SAMD12: variants seen among roughly 807,000 people sequenced by gnomAD.
SAMD12 encodes sterile alpha motif domain-containing protein 12.
A neutral mutation model predicts 15.0 loss-of-function variants in SAMD12; 9 were observed. That is an observed-to-expected ratio of 0.60 (90% CI 0.36 to 1.05). SAMD12 has a LOEUF of 1.05. SAMD12 is among the 50% of genes least tolerant of loss of function. SAMD12 has a pLI of 0.01. For missense variants in SAMD12, 230 were observed against 234.2 expected, an observed-to-expected ratio of 0.98 and a Z score of 0.12; for synonymous variants, 86 against 90.1, an observed-to-expected ratio of 0.96 and a Z score of 0.25.
chr8:118,466,929 T>A (rs1823612156), intron 2 of SAMD12, among the ~76,000 whole-genome samples: 1 of 152,222 alleles, frequency 6.6e-6, no homozygotes, highest in African/African-American at 2.4e-5. Context: ...ACAGAAAGCC[T>A]CTGACTCCAC....
At chr8:118,457,222 CTTTT>C (rs796704911) in intron 2 of SAMD12, among the ~76,000 whole-genome samples, 1 of 140,746 alleles carries the variant, frequency 7.1e-6, no homozygotes, top group South Asian at 2.2e-4. Flanking sequence ...CTCTCTCTCT[CTTTT>C]TTTTTTTTTT....
intron 2 of SAMD12, among the ~76,000 whole-genome samples, chr8:118,474,386 A>AT (rs543422846): frequency 2.6e-4 from 39 of 151,176 alleles, no homozygotes; most frequent in East Asian, 9.7e-4. Flanking sequence ...CAATAAAACA[A>AT]TTTTTTTTGT....
intron 4 of SAMD12, among the ~76,000 whole-genome samples, chr8:118,250,605 C>T (rs114151380): frequency 0.017 from 2,652 of 151,622 alleles, 94 homozygotes; most frequent in African/African-American, 0.06. Context: ...TAGGTTTAAG[C>T]GATTTGGCTT....
chr8:118,568,120 G>C (rs955648414), intron 2 of SAMD12, among the ~76,000 whole-genome samples: 5 of 152,172 alleles, frequency 3.3e-5, no homozygotes, highest in Middle Eastern at 3.2e-3. Flanking sequence ...TTACAAGACA[G>C]AATCAGGGAT....
At chr8:118,496,524 A>C (rs1824615986) in intron 2 of SAMD12, among the ~76,000 whole-genome samples, 3 of 152,246 alleles carry the variant, frequency 2.0e-5, no homozygotes, top group Non-Finnish European at 4.4e-5. Context: ...CCATATACCA[A>C]AGATTGAAAC....
chr8:118,159,990 G>A, the SAMD12 span, among the ~76,000 whole-genome samples: 3 of 152,122 alleles, frequency 2.0e-5, no homozygotes, highest in African/African-American at 7.2e-5. Context: ...AAAGTGCTGG[G>A]ATTACAGGCG....
chr8:118,486,498 G>A (rs1824290675), intron 2 of SAMD12, among the ~76,000 whole-genome samples: 1 of 151,886 alleles, frequency 6.6e-6, no homozygotes, highest in African/African-American at 2.4e-5. Context: ...TGCTGGCTTT[G>A]AAGATAGAAG....
chr8:118,414,395 T>TTA (rs397748284), intron 3 of SAMD12, among the ~76,000 whole-genome samples: 1 of 151,780 alleles, frequency 6.6e-6, no homozygotes. Flanking sequence ...AATTTTTTTT[T>TTA]AAAAAAGGAG....
intron 4 of SAMD12, among the ~76,000 whole-genome samples, chr8:118,302,147 T>A (rs1297336880): frequency 8.0e-5 from 11 of 137,348 alleles, no homozygotes; most frequent in African/African-American, 3.2e-4. Context: ...AGAGAAAAAT[T>A]AAACCTCCAT....
the SAMD12 span, among the ~76,000 whole-genome samples, chr8:118,157,856 C>G: frequency 6.6e-6 from 1 of 152,170 alleles, no homozygotes; most frequent in Non-Finnish European, 1.5e-5. Context: ...GTATATGAAA[C>G]AAAGTTTTTC....
chr8:118,317,467 G>C (rs1815980327), intron 4 of SAMD12, among the ~76,000 whole-genome samples: 2 of 152,180 alleles, frequency 1.3e-5, no homozygotes, highest in African/African-American at 2.4e-5. Context: ...AAATGATCGA[G>C]AACTGCAGAC....
chr8:118,497,914 AGAG>A (rs1824673160), intron 2 of SAMD12, among the ~76,000 whole-genome samples: 1 of 152,190 alleles, frequency 6.6e-6, no homozygotes, highest in South Asian at 2.1e-4. Flanking sequence ...CTGAGATGTC[AGAG>A]GAGACATCAA....
intron 4 of SAMD12, among the ~76,000 whole-genome samples, chr8:118,234,859 T>C (rs1465867964): frequency 6.6e-6 from 1 of 152,076 alleles, no homozygotes; most frequent in African/African-American, 2.4e-5. Context: ...TAAAAATGAA[T>C]AATTTCTTAG....
At chr8:118,421,240 T>C (rs2514994) in intron 3 of SAMD12, among the ~76,000 whole-genome samples, 29,770 of 152,216 alleles carry the variant, frequency 0.2, 3,462 homozygotes, top group East Asian at 0.37. Context: ...GTTTGGCATA[T>C]AGTAGATGCT....
chr8:118,197,880 G>C, intron 4 of SAMD12: 1 of 763,354 alleles, frequency 1.3e-6, no homozygotes. Flanking sequence ...CTCAATGCCA[G>C]GATGGATTTA....
chr8:118,487,620 C>A (rs187213953), intron 2 of SAMD12, among the ~76,000 whole-genome samples: 111 of 152,330 alleles, frequency 7.3e-4, no homozygotes, highest in African/African-American at 2.3e-3. Flanking sequence ...AAGTATTATG[C>A]TTTGTGCTAA....
chr8:118,204,014 G>C (rs1586339607), intron 4 of SAMD12, among the ~76,000 whole-genome samples: 1 of 151,328 alleles, frequency 6.6e-6, no homozygotes, highest in South Asian at 2.1e-4. Context: ...AGTGTGCCTC[G>C]TGTATGTACA....
intron 3 of SAMD12, among the ~76,000 whole-genome samples, chr8:118,401,040 C>A (rs1423018714): frequency 6.6e-6 from 1 of 152,168 alleles, no homozygotes. Context: ...TTAGATGGCA[C>A]CATCCTTACA....
At chr8:118,159,150 A>G in the SAMD12 span, among the ~76,000 whole-genome samples, 110,474 of 151,618 alleles carry the variant, frequency 0.73, 41,802 homozygotes, top group Non-Finnish European at 0.84. Context: ...GTGGCCCTTC[A>G]GGGAGCCCAG....
Sources: allele counts gnomAD v4.1 joint callset (sites outside exome capture counted in the v4.1 genomes callset), GRCh38; gene constraint gnomAD v4.1.1; transcripts MANE v1.5; gene names NCBI Gene and HGNC (gene_info 2026-07-23, HGNC 2026-07-21).